Variants in THEMIS observed in about 807,000 individuals in gnomAD.
THEMIS encodes protein THEMIS.
A neutral mutation model predicts 52.6 loss-of-function variants in THEMIS; 37 were observed. That is an observed-to-expected ratio of 0.70 (90% CI 0.54 to 0.93). The LOEUF (loss-of-function observed/expected upper bound fraction) is 0.93. Ranked by LOEUF, THEMIS falls within the 40% of genes least tolerant of loss-of-function variation. The pLI, the probability that THEMIS is intolerant of heterozygous loss-of-function variation, is 0.00. For missense variants in THEMIS, 808 were observed against 763.1 expected, an observed-to-expected ratio of 1.06 and a Z score of -0.69; for synonymous variants, 292 against 272.7, an observed-to-expected ratio of 1.07 and a Z score of -0.70.
chr6:127,812,103 T>C (rs1475914755), intron 4 of THEMIS, among the ~76,000 whole-genome samples: 1 of 152,148 alleles, frequency 6.6e-6, no homozygotes, highest in East Asian at 1.9e-4. Flanking sequence ...ATGCACTCCT[T>C]CCACACACCA....
intron 3 of THEMIS, among the ~76,000 whole-genome samples, chr6:127,824,201 C>A (rs1778429771): frequency 6.6e-6 from 1 of 152,126 alleles, no homozygotes; most frequent in Non-Finnish European, 1.5e-5. Flanking sequence ...TATACAGGAT[C>A]TCAGAACCTC....
At position 127,911,236 on chromosome 6, in the gene THEMIS, T is replaced by C. The variant is rs529611983; in HGVS notation, c.-150+7192A>G. On this transcript the variant is annotated intron_variant, in intron 1 of 6. Coordinates refer to the THEMIS transcript ENST00000368250. ...CACTGTTCTCCATGAAAACAAGTCA[T>C]TAAGTGTAGCCTACACTTAAAGGGG... Among the ~76,000 whole-genome samples the C allele has an allele frequency of 1.6e-4, 24 of 151,378 alleles. 1 individual carries two copies. The highest frequency in any genetic ancestry group is 2.6e-4 in the Non-Finnish European group (18 of 68,024).
chr6:127,714,920 G>A (rs1298349573), intron 5 of THEMIS, among the ~76,000 whole-genome samples: 1 of 151,854 alleles, frequency 6.6e-6, no homozygotes, highest in Admixed American at 6.6e-5. Flanking sequence ...CATTGGTGAA[G>A]GCTTGCGAGT....
Position 127,813,226 on chromosome 6 carries a change from ACGTCCTCTTC to A in THEMIS, c.1405_1414del (p.Glu469CysfsTer21). The A allele has an allele frequency of 6.2e-7, 1 of 1,614,084 alleles. No homozygotes were observed. The highest frequency in any genetic ancestry group is 2.2e-5 in the East Asian group (1 of 44,876). The stretch of plus-strand genomic sequence containing the variant: ...CTGCAGTCCTGGTGTGGCAGCCAAC[ACGTCCTCTTC>A]AATGGAAAGATCCCTGACAGACACC... On this transcript the variant is annotated frameshift_variant, in exon 4 of 6. Transcript: ENST00000368248. LOFTEE classifies it high-confidence loss of function.
chr6:127,759,409 C>T (rs80152349), intron 4 of THEMIS, among the ~76,000 whole-genome samples: 3,226 of 152,252 alleles, frequency 0.021, 56 homozygotes, highest in Non-Finnish European at 0.035. Flanking sequence ...TTCAACTACC[C>T]TCCAAGGGGT....
chr6:127,814,123 C>T (rs200311800), intron 3 of THEMIS, among the ~76,000 whole-genome samples, 192 bp from the exon 4 acceptor site: 2 of 152,040 alleles, frequency 1.3e-5, no homozygotes, highest in African/African-American at 2.4e-5. Context: ...AAAACCAACA[C>T]GCATAAGCCC....
Position 127,709,892 on chromosome 6 carries a change from A to G in THEMIS, c.*93T>C. On this transcript the variant is annotated 3_prime_UTR_variant, in exon 6 of 6. Transcript: ENST00000368248. ...ATGAATCAAGTTTCTTCTGGAGTCC[A>G]TTGGGGAATACTCGTTTTTCAGCTA... 2 of 1,122,182 alleles carry G rather than the reference A, an allele frequency of 1.8e-6. No homozygotes were observed. Among genetic ancestry groups the G allele is most frequent in the Non-Finnish European group, 2.6e-6 (2 of 773,220 alleles). 69.5% of individuals were successfully genotyped at this position (1,122,182 alleles called of 1,614,324 possible).
chr6:127,787,277 C>G (rs1776982478), intron 4 of THEMIS, among the ~76,000 whole-genome samples: 1 of 119,546 alleles, frequency 8.4e-6, no homozygotes, highest in Non-Finnish European at 1.8e-5. Flanking sequence ...TGTGTGCACG[C>G]ACACACACAC....
At chr6:127,745,642 T>C (rs748752097) in intron 4 of THEMIS, among the ~76,000 whole-genome samples, 13 of 151,980 alleles carry the variant, frequency 8.6e-5, no homozygotes, top group East Asian at 1.9e-4. Context: ...GGAAAAAAAT[T>C]TGTGAGACTA....
chr6:127,837,339 C>A (rs1778905438), intron 2 of THEMIS, among the ~76,000 whole-genome samples: 1 of 151,834 alleles, frequency 6.6e-6, no homozygotes, highest in South Asian at 2.1e-4. Context: ...AGAGGAGCCC[C>A]CCCAAAATTT....
rs960901161 is a variant in THEMIS, at chr6:127,895,250, T to C, written c.91+5592A>G. On this transcript the variant is annotated intron_variant, in intron 1 of 5. Coordinates refer to ENST00000368248, the MANE Select transcript of THEMIS (RefSeq NM_001010923.3). ...ACAAGGAACTTTAGATGATTTTCTTTATGACTAGGAATAAGACAAGGATTT... is the reference window on the plus strand; with the variant it reads ...ACAAGGAACTTTAGATGATTTTCTTCATGACTAGGAATAAGACAAGGATTT... Among the ~76,000 whole-genome samples the C allele has an allele frequency of 7.3e-5, 11 of 151,494 alleles. No individual in the cohort carries two copies. In the South Asian group the frequency reaches 1.4e-3, roughly 20 times the overall value.
At chr6:127,706,247 TGAG>T (rs1197434573), downstream of THEMIS, among the ~76,000 whole-genome samples, 1 of 151,980 alleles carries the variant, frequency 6.6e-6, no homozygotes, top group Admixed American at 6.6e-5. Context: ...ATAAATGCAT[TGAG>T]GACTTACTTT....
At chr6:127,866,402 A>C (rs1779976263) in intron 1 of THEMIS, among the ~76,000 whole-genome samples, 2 of 152,044 alleles carry the variant, frequency 1.3e-5, no homozygotes, top group South Asian at 2.1e-4. Context: ...TTATTTTTGC[A>C]GTCAAATTTT....
At chr6:127,781,391 T>C (rs752779120) in intron 4 of THEMIS, among the ~76,000 whole-genome samples, 1 of 152,110 alleles carries the variant, frequency 6.6e-6, no homozygotes, top group Admixed American at 6.5e-5. Flanking sequence ...AGCCTACTTC[T>C]GTCAATTCGT....
chr6:127,798,838 A>C (rs1777422382), intron 4 of THEMIS, among the ~76,000 whole-genome samples: 1 of 151,770 alleles, frequency 6.6e-6, no homozygotes, highest in African/African-American at 2.4e-5. Context: ...AAAAAATACA[A>C]AAAATTAGCT....
intron 4 of THEMIS, among the ~76,000 whole-genome samples, chr6:127,750,107 C>T (rs1277160223): frequency 6.6e-6 from 1 of 150,474 alleles, no homozygotes; most frequent in Non-Finnish European, 1.5e-5. Context: ...GGCATTATCA[C>T]ACCTCTGTGC....
intron 4 of THEMIS, among the ~76,000 whole-genome samples, chr6:127,798,766 G>A (rs911176821): frequency 3.3e-5 from 5 of 152,036 alleles, no homozygotes; most frequent in East Asian, 1.9e-4. Flanking sequence ...CGAGGCGGGC[G>A]GATCACGAGG....
intron 2 of THEMIS, among the ~76,000 whole-genome samples, chr6:127,841,440 G>A (rs1014424170): frequency 1.3e-5 from 2 of 151,960 alleles, no homozygotes; most frequent in African/African-American, 2.4e-5. Context: ...TAAGAAAGAC[G>A]GATGGTAAGG....
At chr6:127,799,529 CTCTT>C (rs66495087) in intron 4 of THEMIS, among the ~76,000 whole-genome samples, 39,652 of 145,514 alleles carry the variant, frequency 0.27, 6,756 homozygotes, top group Non-Finnish European at 0.39. Flanking sequence ...TTCTTTCTTT[CTCTT>C]TCTTTCTTTC....
Sources: allele counts gnomAD v4.1 joint callset (sites outside exome capture counted in the v4.1 genomes callset), GRCh38; gene constraint gnomAD v4.1.1; transcripts MANE v1.5; gene names NCBI Gene and HGNC (gene_info 2026-07-23, HGNC 2026-07-21).